The following PNLIPRP1 variants were observed in gnomAD, a reference collection of about 807,000 sequenced individuals.
The protein encoded by PNLIPRP1 is inactive pancreatic lipase-related protein 1.
In PNLIPRP1, 57 loss-of-function variants were observed where a neutral mutation model predicts 54.6. The observed-to-expected ratio is 1.04, with a 90% CI of 0.84 to 1.30. The LOEUF (loss-of-function observed/expected upper bound fraction) is 1.30, where lower values mean the gene tolerates loss of function less well. Among genes scored for constraint, PNLIPRP1 ranks in the 50% most tolerant of loss-of-function variants. PNLIPRP1 has a pLI of 0.00. For missense variants in PNLIPRP1, 567 were observed against 568.5 expected, an observed-to-expected ratio of 1.00 and a Z score of 0.03; for synonymous variants, 232 against 208.8, an observed-to-expected ratio of 1.11 and a Z score of -0.96.
At chr10:116,598,530 T>C (rs1329187750) in intron 8 of PNLIPRP1, among the ~76,000 whole-genome samples, 1 of 152,214 alleles carries the variant, frequency 6.6e-6, no homozygotes, top group African/African-American at 2.4e-5. Context: ...ACAAATTCTC[T>C]CTTGGGAGTC....
At chr10:116,591,951 ACTGTAAC>A in intron 3 of PNLIPRP1, 26 bp downstream of exon 3, 1 of 1,613,318 alleles carries the variant, frequency 6.2e-7, no homozygotes, top group Non-Finnish European at 8.5e-7. Flanking sequence ...TTTAAATGTC[ACTGTAAC>A]TGGCACGGGG....
At chr10:116,596,940 A>G (rs1045854198) in intron 6 of PNLIPRP1, among the ~76,000 whole-genome samples, 17 of 152,236 alleles carry the variant, frequency 1.1e-4, no homozygotes, top group African/African-American at 4.1e-4. Flanking sequence ...TACTGCACAA[A>G]ATGCTTTATA....
At chr10:116,596,380 C>T (rs1847736782) in intron 6 of PNLIPRP1, 58 bp downstream of exon 6, 1 of 1,040,508 alleles carries the variant, frequency 9.6e-7, no homozygotes, top group Non-Finnish European at 1.5e-6. Context: ...AATGAGGTCT[C>T]AAGAATGCAG....
Position 116,598,072 on chromosome 10 carries a change from T to G in PNLIPRP1, c.720T>G (p.Gly240=), listed in dbSNP as rs1554864210. 7.4e-6 allele frequency: 12 copies of G among 1,614,128 alleles called. No homozygotes were observed. Among genetic ancestry groups the G allele is most frequent in the Non-Finnish European group, 1.0e-5 (12 of 1,180,022 alleles). The part of the protein sequence containing the change: ...FLGFGTNQQM[G]HLDFFPNGGE... ...GTTTTGGAACGAACCAACAGATGGG[T>G]CATCTTGACTTCTTCCCCAATGGAG... The change falls in exon 8 of 13, where the codon GGT becomes GGG. Residue 240 remains glycine, a synonymous_variant. Coordinates refer to ENST00000358834, the MANE Select transcript of PNLIPRP1 (RefSeq NM_006229.4).
chr10:116,592,551 A>C lies in PNLIPRP1; in HGVS notation c.330+10A>C, dbSNP rs1554863379. 2 of 1,614,176 alleles carry C rather than the reference A, an allele frequency of 1.2e-6. No individual in the cohort carries two copies. The highest frequency in any genetic ancestry group is 1.7e-6 in the Non-Finnish European group (2 of 1,180,016). On this transcript the variant is annotated intron_variant, in intron 4 of 12. Coordinates refer to ENST00000358834, the MANE Select transcript of PNLIPRP1 (RefSeq NM_006229.4). ...GACAGACATGTGCAAGGTAGGAGCC[A>C]GCTCTGATCCCTGTGGCCAGCTGAG...
chr10:116,594,780 G>A lies in PNLIPRP1; in HGVS notation c.381G>A (p.Lys127=), dbSNP rs1847705653. The change falls in exon 5 of 13, where the codon AAG becomes AAA. Residue 127 remains lysine (K), a synonymous_variant. Transcript: ENST00000358834. ...ACTGCATCTGCGTGGACTGGAAGAA[G>A]GGCTCCCAAGCCACCTACACACAGG... ...EVNCICVDWK[K]GSQATYTQAA... The A allele has an allele frequency of 1.9e-6, 3 of 1,614,152 alleles. No homozygotes were observed. Among genetic ancestry groups the A allele is most frequent in the Non-Finnish European group, 1.7e-6 (2 of 1,180,042 alleles).
At chr10:116,603,426 G>A (rs1847883218) in intron 10 of PNLIPRP1, among the ~76,000 whole-genome samples, 1 of 152,200 alleles carries the variant, frequency 6.6e-6, no homozygotes, top group Admixed American at 6.5e-5. Flanking sequence ...TTGCAACACA[G>A]CGAATGAGTT....
At chr10:116,603,465 A>G (rs561670486) in intron 10 of PNLIPRP1, among the ~76,000 whole-genome samples, 1 of 152,310 alleles carries the variant, frequency 6.6e-6, no homozygotes, top group South Asian at 2.1e-4. Flanking sequence ...ATTGTATTTA[A>G]TTTGGATTTA....
In PNLIPRP1 at chr10:116,592,603, A is replaced by C. The variant is rs782806620; in HGVS notation, c.330+62A>C. ...CCAACACTTCTGCTAACATCTCTGC[A>C]TCACTTTATGCACTCAAGAAATCTT... On this transcript the variant is annotated intron_variant, in intron 4 of 12. Transcript: ENST00000358834. 4.4e-6 allele frequency: 7 copies of C among 1,591,428 alleles called. No homozygotes were observed. The East Asian group carries it at 1.6e-4, about 36-fold the overall frequency.
At chr10:116,596,968 C>T (rs1254428029) in intron 6 of PNLIPRP1, among the ~76,000 whole-genome samples, 5 of 152,134 alleles carry the variant, frequency 3.3e-5, no homozygotes. Context: ...ATATAATTCT[C>T]AGAACTGAAG....
At chr10:116,603,195 A>C (rs1206158531) in intron 10 of PNLIPRP1, among the ~76,000 whole-genome samples, 1 of 152,090 alleles carries the variant, frequency 6.6e-6, no homozygotes, top group Non-Finnish European at 1.5e-5. Context: ...GAGACTGCCC[A>C]GGGCCCTGGG....
intron 10 of PNLIPRP1, among the ~76,000 whole-genome samples, chr10:116,601,672 G>T (rs1239885832): frequency 2.0e-5 from 3 of 152,282 alleles, no homozygotes; most frequent in South Asian, 2.1e-4. Context: ...CTCGCTGGTG[G>T]AGTGCAGGCA....
At position 116,596,215 on chromosome 10, in the gene PNLIPRP1, C is replaced by G; in HGVS notation, c.467C>G (p.Thr156Arg). 1 of 1,601,246 alleles carries G rather than the reference C, an allele frequency of 6.2e-7. No individual in the cohort carries two copies. Among genetic ancestry groups the G allele is most frequent in the South Asian group, 1.1e-5 (1 of 90,662 alleles). ...QVAQMLDILL[T>R]EYSYPPSKVH... Reference sequence around the variant, plus strand: ...GAAAATACAATCTTCCCTCTCCAGACAGAGTATAGCTACCCCCCTTCCAAA... The same window carrying G: ...GAAAATACAATCTTCCCTCTCCAGAGAGAGTATAGCTACCCCCCTTCCAAA... Residue 156 changes from threonine (T) to arginine (R), a missense_variant and splice_region_variant, in exon 6 of 13, where the codon ACA becomes AGA. Transcript: ENST00000358834.
intron 10 of PNLIPRP1, among the ~76,000 whole-genome samples, 198 bp downstream of exon 10, chr10:116,601,399 C>T (rs1489442367): frequency 5.3e-5 from 8 of 152,108 alleles, no homozygotes; most frequent in South Asian, 2.1e-4. Context: ...TCTATTTCTG[C>T]GGCATGAAAT....
At position 116,598,109 on chromosome 10, in the gene PNLIPRP1, C is replaced by A. The variant is rs1328858292; in HGVS notation, c.757C>A (p.Pro253Thr). ...DFFPNGGESM[P>T]GCKKNALSQI... ...CTTCCCCAATGGAGGAGAGAGCATGCCGGGATGCAAGAAGAATGCCCTGTC... is the reference window on the plus strand; with the variant it reads ...CTTCCCCAATGGAGGAGAGAGCATGACGGGATGCAAGAAGAATGCCCTGTC... The change falls in exon 8 of 13, where the codon CCG becomes ACG. Residue 253 changes from proline (P) to threonine (T), a missense_variant. Physicochemically the swap from Pro to Thr is conservative, Grantham distance 38 (BLOSUM62 -1). Coordinates refer to ENST00000358834, the MANE Select transcript of PNLIPRP1 (RefSeq NM_006229.4). The A allele has an allele frequency of 6.2e-7, 1 of 1,613,928 alleles. No individual in the cohort carries two copies. Among genetic ancestry groups the A allele is most frequent in the African/African-American group, 1.3e-5 (1 of 74,886 alleles).
At chr10:116,607,027 T>TTA in intron 12 of PNLIPRP1, among the ~76,000 whole-genome samples, 1 of 148,188 alleles carries the variant, frequency 6.7e-6, no homozygotes. Flanking sequence ...CATTTAATAA[T>TTA]AATAATAATA....
At chr10:116,596,882 A>G (rs1053161189) in intron 6 of PNLIPRP1, among the ~76,000 whole-genome samples, 1 of 152,194 alleles carries the variant, frequency 6.6e-6, no homozygotes, top group African/African-American at 2.4e-5. Flanking sequence ...TAATAATGCT[A>G]TTATAATTAT....
rs183860564 is a variant in PNLIPRP1 at position 116,607,221 on chromosome 10, G to A, written c.1340+1668G>A. Among the ~76,000 whole-genome samples the A allele has an allele frequency of 1.5e-3, 218 of 149,420 alleles. 1 individual carries two copies. Among genetic ancestry groups the A allele is most frequent in the African/African-American group, 5.0e-3 (203 of 40,328 alleles). ...CAGCCCTCCCCCTCTTTATTTCTCC[G>A]TCCCCCTCTCTTTATTAAGTACCTT... On this transcript the variant is annotated intron_variant, in intron 12 of 12. Transcript: ENST00000358834.
At chr10:116,602,974 GTATT>G (rs1318700170) in intron 10 of PNLIPRP1, among the ~76,000 whole-genome samples, 4 of 151,710 alleles carry the variant, frequency 2.6e-5, no homozygotes, top group Non-Finnish European at 5.9e-5. Context: ...TTGTGTATAT[GTATT>G]TGTGTATGTG....
Sources: allele counts gnomAD v4.1 joint callset (sites outside exome capture counted in the v4.1 genomes callset), GRCh38; gene constraint gnomAD v4.1.1; transcripts MANE v1.5; gene names NCBI Gene and HGNC (gene_info 2026-07-23, HGNC 2026-07-21).